Variants in AKAP13 observed in about 807,000 individuals in gnomAD.
AKAP13 encodes A-kinase anchor protein 13.
AKAP13 carries 80 observed loss-of-function variants against 264.5 expected under a neutral mutation model. The observed-to-expected ratio is 0.30, with a 90% CI of 0.25 to 0.36. The LOEUF (loss-of-function observed/expected upper bound fraction) is 0.36. Ranked by LOEUF, AKAP13 falls within the 10% of genes least tolerant of loss-of-function variation. The pLI, the probability that AKAP13 is intolerant of heterozygous loss-of-function variation, is 1.00. For synonymous variants in AKAP13, 1,380 were observed against 1,250.2 expected, an observed-to-expected ratio of 1.10 and a Z score of -2.19; for missense variants, 3,712 against 3,435.2, an observed-to-expected ratio of 1.08 and a Z score of -2.01.
At chr15:85,455,411 C>T (rs934503947) in intron 1 of AKAP13, among the ~76,000 whole-genome samples, 8 of 152,140 alleles carry the variant, frequency 5.3e-5, no homozygotes, top group Non-Finnish European at 7.4e-5. Context: ...ATATTCTCCC[C>T]CTCCCACAGT....
At chr15:85,740,723 AAC>A (rs144018637) in intron 34 of AKAP13, among the ~76,000 whole-genome samples, 13 of 138,354 alleles carry the variant, frequency 9.4e-5, no homozygotes, top group Non-Finnish European at 1.4e-4. Context: ...TCCCACTTCC[AAC>A]ACACACACAC....
At chr15:85,732,599 C>T (rs1286244051) in intron 30 of AKAP13, among the ~76,000 whole-genome samples, 2 of 150,154 alleles carry the variant, frequency 1.3e-5, no homozygotes, top group Non-Finnish European at 3.0e-5. Flanking sequence ...GTTTTTTTAA[C>T]TAAACCTATT....
rs879351546 is a variant in AKAP13, at chr15:85,737,490, CGTTAA to C, written c.7557+1362_7557+1366del. ...TTCTTTTTCTTGTCCTTGCTTTTAA[CGTTAA>C]GTTAAAAGTCTCCAAGGAACTTTAT... On this transcript the variant is annotated intron_variant, in intron 33 of 36. Coordinates refer to ENST00000394518, the MANE Select transcript of AKAP13 (RefSeq NM_007200.5). 5.3e-5 allele frequency among the ~76,000 whole-genome samples: 8 copies of C among 152,086 alleles called. No homozygotes were observed. In the South Asian group the frequency reaches 6.2e-4, roughly 12 times the overall value.
At position 85,727,325 on chromosome 15, in the gene AKAP13, C is replaced by A. The variant is rs1054313809; in HGVS notation, c.7005-56C>A. The A allele has an allele frequency of 1.3e-5, 21 of 1,613,210 alleles. No homozygotes were observed. Among genetic ancestry groups the A allele is most frequent in the Middle Eastern group, 1.6e-4 (1 of 6,062 alleles). Reference sequence around the variant, plus strand: ...GATTTCATAACAGGCTGGACTGTGACCAGAGTAATTGACATCTTAGGAATT... The same window carrying A: ...GATTTCATAACAGGCTGGACTGTGAACAGAGTAATTGACATCTTAGGAATT... On this transcript the variant is annotated intron_variant, in intron 28 of 36. Coordinates refer to ENST00000394518, the MANE Select transcript of AKAP13 (RefSeq NM_007200.5). The surrounding 1 kb of genome is among the most constrained non-coding windows in gnomAD (Gnocchi z 5.3).
intron 23 of AKAP13, among the ~76,000 whole-genome samples, chr15:85,721,777 A>G (rs1487508883): frequency 3.9e-5 from 6 of 152,224 alleles, no homozygotes; most frequent in Non-Finnish European, 1.5e-5. Flanking sequence ...CTTTATTGAG[A>G]TTTAATCCAT....
chr15:85,562,564 C>CAAAAAA (rs1253215813), intron 5 of AKAP13, among the ~76,000 whole-genome samples: 15 of 33,880 alleles, frequency 4.4e-4, no homozygotes, highest in South Asian at 1.3e-3. Flanking sequence ...GAATCTGCCT[C>CAAAAAA]AAAAAAAAAA....
rs573815706 is a variant in AKAP13, at chr15:85,514,425, G to A, written c.34-7003G>A. Among the ~76,000 whole-genome samples the A allele has an allele frequency of 1.5e-5, 2 of 137,872 alleles. 1 individual carries two copies. Among genetic ancestry groups the A allele is most frequent in the South Asian group, 4.4e-4 (2 of 4,522 alleles). 90.4% of individuals were successfully genotyped at this position (137,872 alleles called of 152,430 possible). ...TGTGTCCTTAAGACATGGCCCCATC[G>A]TTTTTTTGAGCACTTCATTGTTTTC... On this transcript the variant is annotated intron_variant, in intron 2 of 36. Coordinates refer to ENST00000394518, the MANE Select transcript of AKAP13 (RefSeq NM_007200.5).
intron 8 of AKAP13, among the ~76,000 whole-genome samples, chr15:85,599,466 A>G (rs1260946877): frequency 1.3e-5 from 2 of 152,190 alleles, no homozygotes; most frequent in African/African-American, 2.4e-5. Flanking sequence ...TGATTCTGGC[A>G]GTAGTGAATT....
chr15:85,498,528 C>G (rs1567088915), intron 2 of AKAP13, among the ~76,000 whole-genome samples: 1 of 151,982 alleles, frequency 6.6e-6, no homozygotes, highest in Non-Finnish European at 1.5e-5. Flanking sequence ...AAAACTTTTG[C>G]TCTTCCCATT....
At chr15:85,480,334 T>C (rs1596304551) in intron 1 of AKAP13, among the ~76,000 whole-genome samples, 1 of 152,312 alleles carries the variant, frequency 6.6e-6, no homozygotes. Flanking sequence ...TTAGTCTCCA[T>C]TGAGACTCAG....
In AKAP13 at chr15:85,582,028, G is replaced by T. The variant is rs755425719; in HGVS notation, c.3960G>T (p.Gly1320=). The change falls in exon 7 of 37, where the codon GGG becomes GGT. Residue 1320 remains glycine, a synonymous_variant. Coordinates refer to ENST00000394518, the MANE Select transcript of AKAP13 (RefSeq NM_007200.5). The part of the protein sequence containing the change: ...PMGSTPEEAT[G]SLAGCFAGRE... ...GCAGTACTCCTGAGGAAGCCACGGG[G>T]AGCCTTGCAGGATGTTTTGCTGGAA... 2 of 1,614,018 alleles carry T rather than the reference G, an allele frequency of 1.2e-6. No homozygotes were observed.
At chr15:85,594,670 G>A (rs1309693821) in intron 8 of AKAP13, among the ~76,000 whole-genome samples, 1 of 152,168 alleles carries the variant, frequency 6.6e-6, no homozygotes, top group Non-Finnish European at 1.5e-5. Context: ...AGAGCTGCTT[G>A]TTTTTGCCTG....
chr15:85,628,673 T>G (rs1383607593), intron 8 of AKAP13, among the ~76,000 whole-genome samples: 2 of 87,792 alleles, frequency 2.3e-5, no homozygotes, highest in Non-Finnish European at 4.0e-5. Flanking sequence ...AAACAGCAGT[T>G]TTTTTTTCAG....
intron 19 of AKAP13, 107 bp downstream of exon 19, chr15:85,710,752 C>T: frequency 1.6e-6 from 2 of 1,254,228 alleles, no homozygotes; most frequent in East Asian, 4.9e-5. Flanking sequence ...ATATGAATAC[C>T]TATTTTGTGG....
At chr15:85,437,785 C>CT (rs1211773686) in intron 1 of AKAP13, among the ~76,000 whole-genome samples, 1 of 152,148 alleles carries the variant, frequency 6.6e-6, no homozygotes, top group Non-Finnish European at 1.5e-5. Flanking sequence ...GCTAAAAACT[C>CT]TCAATAAATT....
chr15:85,560,531 A>G (rs1251543472), intron 5 of AKAP13, among the ~76,000 whole-genome samples: 1 of 152,102 alleles, frequency 6.6e-6, no homozygotes, highest in Admixed American at 6.5e-5. Flanking sequence ...ATTATCAGAT[A>G]TTACCTCCCA....
intron 10 of AKAP13, among the ~76,000 whole-genome samples, chr15:85,648,848 TAAATA>T (rs895613181): frequency 5.3e-5 from 8 of 152,040 alleles, no homozygotes; most frequent in Admixed American, 2.0e-4. Context: ...CAAAAATAAA[TAAATA>T]AATAACACCT....
rs567189612 is a variant in AKAP13, at chr15:85,716,405, T to G, written c.5735+482T>G. Among the ~76,000 whole-genome samples, 3 of 152,244 alleles carry G rather than the reference T, an allele frequency of 2.0e-5. No homozygotes were observed. The South Asian group carries it at 6.2e-4, about 32-fold the overall frequency. Reference sequence around the variant, plus strand: ...GTGAGTGCTGAGCCAATTATTACTATTAGGTTCTCACTCACTCGTTTGCAC... The same window carrying G: ...GTGAGTGCTGAGCCAATTATTACTAGTAGGTTCTCACTCACTCGTTTGCAC... On this transcript the variant is annotated intron_variant, in intron 20 of 36. Coordinates refer to ENST00000394518, the MANE Select transcript of AKAP13 (RefSeq NM_007200.5).
intron 3 of AKAP13, among the ~76,000 whole-genome samples, chr15:85,523,184 A>G (rs572341499): frequency 2.0e-4 from 30 of 152,136 alleles, no homozygotes; most frequent in African/African-American, 6.5e-4. Flanking sequence ...TAACTAAGCA[A>G]AGGAGATTCC....
Sources: gnomAD v4.1 joint callset for allele counts (sites outside exome capture counted in the v4.1 genomes callset) on GRCh38, gnomAD v4.1.1 for gene constraint, Gnocchi (gnomAD v3.1) non-coding constraint, MANE v1.5 for transcripts, NCBI Gene and HGNC (gene_info 2026-07-23, HGNC 2026-07-21) for gene names.